The following CPEB1 variants were observed in gnomAD, a reference collection of about 807,000 sequenced individuals.
CPEB1 encodes the protein cytoplasmic polyadenylation element-binding protein 1.
CPEB1 carries 7 observed loss-of-function variants against 65.8 expected under a neutral mutation model. The ratio of observed to expected loss-of-function variants is 0.11; its 90% CI spans 0.06 to 0.20. The LOEUF is 0.20. CPEB1 is among the 10% of genes least tolerant of loss of function. The pLI, the probability that CPEB1 is intolerant of heterozygous loss-of-function variation, is 1.00. For missense variants in CPEB1, 551 were observed against 712.2 expected, an observed-to-expected ratio of 0.77 and a Z score of 2.58; for synonymous variants, 262 against 260.0, an observed-to-expected ratio of 1.01 and a Z score of -0.08.
Position 82,628,500 on chromosome 15 carries a change from A to T in CPEB1, c.-41T>A, listed in dbSNP as rs376103842. 7.0e-5 allele frequency: 49 copies of T among 701,344 alleles called. No homozygotes were observed. Among genetic ancestry groups the T allele is most frequent in the East Asian group, 5.1e-4 (19 of 37,278 alleles). 43.4% of individuals were successfully genotyped at this position (701,344 alleles called of 1,614,324 possible). A position where few individuals can be genotyped will look rare whatever the true frequency, so the allele number is the denominator to read the frequency against. On this transcript the variant is annotated 5_prime_UTR_variant, in exon 2 of 13. Coordinates refer to ENST00000684509, the MANE Select transcript of CPEB1 (RefSeq NM_001365242.1). ...TCTGGCAAAAGGGTTCCGATTATTC[A>T]AGGCTGCTTTTGACTTCTTTTACAA...
intron 3 of CPEB1, among the ~76,000 whole-genome samples, chr15:82,592,023 T>C (rs754783034): frequency 5.3e-5 from 8 of 151,720 alleles, no homozygotes; most frequent in Non-Finnish European, 1.0e-4. Context: ...TTTGTATTTT[T>C]TGTAGAGATA....
At chr15:82,602,365 A>G (rs1255948758) in intron 3 of CPEB1, among the ~76,000 whole-genome samples, 1 of 152,210 alleles carries the variant, frequency 6.6e-6, no homozygotes, top group East Asian at 1.9e-4. Flanking sequence ...GGAAATTTAT[A>G]GTCTTTGGTA....
chr15:82,602,370 T>C (rs533852480), intron 3 of CPEB1, among the ~76,000 whole-genome samples: 2 of 152,286 alleles, frequency 1.3e-5, no homozygotes, highest in South Asian at 4.1e-4. Flanking sequence ...TTTATAGTCT[T>C]TGGTAATGTA....
At chr15:82,622,698 A>T (rs971109595) in intron 3 of CPEB1, among the ~76,000 whole-genome samples, 1 of 152,048 alleles carries the variant, frequency 6.6e-6, no homozygotes, top group Non-Finnish European at 1.5e-5. Flanking sequence ...CCCAGCCCAC[A>T]TCTCTTCTTC....
At chr15:82,588,769 C>T (rs1380813591) in intron 3 of CPEB1, among the ~76,000 whole-genome samples, 3 of 152,110 alleles carry the variant, frequency 2.0e-5, no homozygotes, top group East Asian at 1.9e-4. Flanking sequence ...AAATTCCCAA[C>T]GATATGAGAA....
intron 3 of CPEB1, among the ~76,000 whole-genome samples, chr15:82,576,356 T>C (rs1237821104): frequency 6.6e-6 from 1 of 152,212 alleles, no homozygotes; most frequent in Non-Finnish European, 1.5e-5. Context: ...ACAGTGTGTA[T>C]ATTTTGATGA....
In CPEB1 at chr15:82,578,581, C is replaced by T. The variant is rs376208972; in HGVS notation, c.272-7049G>A. On this transcript the variant is annotated intron_variant, in intron 3 of 12. Transcript: ENST00000684509. Reference sequence around the variant, plus strand: ...GAGCTCGAGACCAGACATGGCGAAACCCCATCTCAACTAAAAAATACAAAA... The same window carrying T: ...GAGCTCGAGACCAGACATGGCGAAATCCCATCTCAACTAAAAAATACAAAA... Among the ~76,000 whole-genome samples, 257 of 152,186 alleles carry T rather than the reference C, an allele frequency of 1.7e-3. 1 individual carries two copies. Among genetic ancestry groups the T allele is most frequent in the African/African-American group, 5.9e-3 (244 of 41,504 alleles).
intron 3 of CPEB1, among the ~76,000 whole-genome samples, chr15:82,598,454 A>G (rs551765466): frequency 1.3e-5 from 2 of 151,864 alleles, no homozygotes; most frequent in South Asian, 4.2e-4. Flanking sequence ...AGATTGCACC[A>G]CTCCAGCCTG....
At chr15:82,614,185 G>C (rs184111501) in intron 3 of CPEB1, among the ~76,000 whole-genome samples, 1 of 152,294 alleles carries the variant, frequency 6.6e-6, no homozygotes, top group Admixed American at 6.5e-5. Flanking sequence ...TTGCTCCCAG[G>C]CTGGAGTGCA....
chr15:82,571,757 A>G, intron 3 of CPEB1: 1 of 1,348,764 alleles, frequency 7.4e-7, no homozygotes. Flanking sequence ...TCCCGTCTGC[A>G]TTACAGACTG....
chr15:82,646,821 A>AC (rs1567246556), intron 1 of CPEB1, among the ~76,000 whole-genome samples: 1 of 151,722 alleles, frequency 6.6e-6, no homozygotes, highest in Non-Finnish European at 1.5e-5. Flanking sequence ...CAAGGTGAGG[A>AC]CCCCTTTGTG....
At chr15:82,620,316 T>A (rs568436765) in intron 3 of CPEB1, among the ~76,000 whole-genome samples, 1 of 142,910 alleles carries the variant, frequency 7.0e-6, no homozygotes, top group East Asian at 2.0e-4. Flanking sequence ...TCCCAGCTAC[T>A]TGGGAGGCTG....
intron 5 of CPEB1, chr15:82,557,447 C>T (rs72751642): frequency 9.2e-6 from 3 of 326,564 alleles, no homozygotes; most frequent in Non-Finnish European, 1.7e-5. Context: ...GGTAAAGAAA[C>T]AGAACACTGC....
chr15:82,545,967 T>C (rs1176265302), intron 12 of CPEB1, among the ~76,000 whole-genome samples: 1 of 151,424 alleles, frequency 6.6e-6, no homozygotes, highest in Non-Finnish European at 1.5e-5. Context: ...CAATTCAACA[T>C]ATTTTCTTAA....
intron 3 of CPEB1, among the ~76,000 whole-genome samples, chr15:82,602,785 A>T (rs2043232285): frequency 6.6e-6 from 1 of 152,128 alleles, no homozygotes; most frequent in Admixed American, 6.5e-5. Flanking sequence ...GGCGGAGGTT[A>T]CAGTGAGCCG....
At chr15:82,597,441 C>G (rs1425251024) in intron 3 of CPEB1, among the ~76,000 whole-genome samples, 1 of 152,180 alleles carries the variant, frequency 6.6e-6, no homozygotes, top group Admixed American at 6.5e-5. Flanking sequence ...CAGGGGAGAT[C>G]TGTGCAGGGG....
chr15:82,642,096 C>T (rs1173132062), intron 1 of CPEB1, among the ~76,000 whole-genome samples: 1 of 152,196 alleles, frequency 6.6e-6, no homozygotes, highest in African/African-American at 2.4e-5. Context: ...TTGAGAAATG[C>T]ACTGTTGGGG....
chr15:82,544,507 TG>T lies in CPEB1; in HGVS notation c.*84del. The T allele has an allele frequency of 1.1e-6, 1 of 945,014 alleles. No individual in the cohort carries two copies. Among genetic ancestry groups the T allele is most frequent in the Non-Finnish European group, 1.6e-6 (1 of 611,046 alleles). The allele number at this position is 945,014 out of a possible 1,614,324, so 58.5% of individuals were successfully genotyped here. Reference sequence around the variant, plus strand: ...CCTTGTCCTTGGGAAGCCAGCTCCCTGGTCGCCAGTGGCAGGGTGGTGCAGG... The same window carrying T: ...CCTTGTCCTTGGGAAGCCAGCTCCCTGTCGCCAGTGGCAGGGTGGTGCAGG... On this transcript the variant is annotated 3_prime_UTR_variant, in exon 13 of 13. Coordinates refer to ENST00000684509, the MANE Select transcript of CPEB1 (RefSeq NM_001365242.1).
At chr15:82,624,545 G>A (rs1403803743) in intron 3 of CPEB1, among the ~76,000 whole-genome samples, 1 of 152,094 alleles carries the variant, frequency 6.6e-6, no homozygotes, top group African/African-American at 2.4e-5. Flanking sequence ...GAGCTGAAGA[G>A]CCCGAGAAGT....
Sources: allele counts gnomAD v4.1 joint callset (sites outside exome capture counted in the v4.1 genomes callset), GRCh38; gene constraint gnomAD v4.1.1; transcripts MANE v1.5; gene names NCBI Gene and HGNC (gene_info 2026-07-23, HGNC 2026-07-21).